SLC44A5: variants seen among roughly 807,000 people sequenced by gnomAD.
SLC44A5 encodes choline transporter-like protein 5.
SLC44A5 carries 57 observed loss-of-function variants against 101.8 expected under a neutral mutation model. The ratio of observed to expected loss-of-function variants is 0.56; its 90% CI spans 0.45 to 0.70. The LOEUF (loss-of-function observed/expected upper bound fraction) is 0.70. SLC44A5 is among the 30% of genes least tolerant of loss of function. The pLI is 0.00. For synonymous variants in SLC44A5, 281 were observed against 290.9 expected (o/e 0.97, Z 0.35); for missense variants, 737 against 853.1 (o/e 0.86, Z 1.70).
the SLC44A5 span, among the ~76,000 whole-genome samples, chr1:75,651,005 C>T: frequency 6.6e-6 from 1 of 152,160 alleles, no homozygotes; most frequent in Non-Finnish European, 1.5e-5. Context: ...CTGATAAACC[C>T]AAATTTGTTC....
the SLC44A5 span, among the ~76,000 whole-genome samples, chr1:75,675,419 T>C: frequency 6.6e-6 from 1 of 152,176 alleles, no homozygotes; most frequent in Admixed American, 6.5e-5. Context: ...TGCTCATCTG[T>C]TGTTGGTATA....
At chr1:75,385,512 A>T (rs1661256676) in intron 3 of SLC44A5, among the ~76,000 whole-genome samples, 2 of 152,138 alleles carry the variant, frequency 1.3e-5, no homozygotes, top group African/African-American at 4.8e-5. Flanking sequence ...AACCAGGAAG[A>T]AGTTGAATCT....
At chr1:75,417,188 G>A (rs956894973) in intron 2 of SLC44A5, among the ~76,000 whole-genome samples, 5 of 152,078 alleles carry the variant, frequency 3.3e-5, no homozygotes, top group Non-Finnish European at 7.4e-5. Flanking sequence ...AGAATCATGG[G>A]GACAGGTTTT....
chr1:75,604,486 G>A (rs1045634144), intron 1 of SLC44A5, among the ~76,000 whole-genome samples: 2 of 151,964 alleles, frequency 1.3e-5, no homozygotes, highest in African/African-American at 2.4e-5. Flanking sequence ...GGATTACTTT[G>A]CCTATTTGGG....
intron 22 of SLC44A5, among the ~76,000 whole-genome samples, chr1:75,212,177 T>G (rs1290810353): frequency 6.6e-6 from 1 of 152,174 alleles, no homozygotes; most frequent in East Asian, 1.9e-4. Flanking sequence ...TTGAATTCTT[T>G]TTAAACTTTT....
intron 2 of SLC44A5, among the ~76,000 whole-genome samples, chr1:75,477,258 T>C (rs1240401270): frequency 6.6e-6 from 1 of 151,998 alleles, no homozygotes; most frequent in East Asian, 1.9e-4. Context: ...ATCTGTACAT[T>C]ACCATCATCA....
intron 2 of SLC44A5, among the ~76,000 whole-genome samples, chr1:75,531,178 A>G (rs1670700947): frequency 6.6e-6 from 1 of 152,238 alleles, no homozygotes; most frequent in Non-Finnish European, 1.5e-5. Flanking sequence ...AAAGCGCATT[A>G]GCATATTAAA....
At chr1:75,482,651 T>C (rs1445504076) in intron 2 of SLC44A5, among the ~76,000 whole-genome samples, 20 of 152,174 alleles carry the variant, frequency 1.3e-4, no homozygotes, top group Non-Finnish European at 2.9e-4. Context: ...AACATGAGTC[T>C]AATACAAATC....
intron 2 of SLC44A5, among the ~76,000 whole-genome samples, chr1:75,475,670 A>G (rs376813422): frequency 6.6e-6 from 1 of 152,210 alleles, no homozygotes; most frequent in East Asian, 1.9e-4. Context: ...TTCAGAGAAT[A>G]CCCATAATGG....
the SLC44A5 span, among the ~76,000 whole-genome samples, chr1:75,672,600 C>T: frequency 6.6e-6 from 1 of 152,082 alleles, no homozygotes. Flanking sequence ...GTGCATGCAA[C>T]CTAGTGAGAC....
At chr1:75,504,492 T>C (rs1669140579) in intron 2 of SLC44A5, among the ~76,000 whole-genome samples, 1 of 152,144 alleles carries the variant, frequency 6.6e-6, no homozygotes, top group Non-Finnish European at 1.5e-5. Flanking sequence ...GCATAGAACA[T>C]AGGAATATTG....
chr1:75,334,973 T>C (rs1335172740), intron 4 of SLC44A5, among the ~76,000 whole-genome samples: 1 of 152,178 alleles, frequency 6.6e-6, no homozygotes, highest in Admixed American at 6.5e-5. Context: ...AGTTAAGCCA[T>C]GAGCTCCACT....
At chr1:75,710,948 A>G in the SLC44A5 span, among the ~76,000 whole-genome samples, 1 of 151,952 alleles carries the variant, frequency 6.6e-6, no homozygotes, top group Non-Finnish European at 1.5e-5. Flanking sequence ...ATTTTTCTTT[A>G]CTCATTTTCT....
chr1:75,543,463 C>A (rs1167187926), intron 1 of SLC44A5, among the ~76,000 whole-genome samples: 6 of 151,820 alleles, frequency 4.0e-5, no homozygotes, highest in Non-Finnish European at 7.4e-5. Flanking sequence ...TTACTTTCAC[C>A]GCTGCATTAT....
At chr1:75,624,625 C>T in the SLC44A5 span, among the ~76,000 whole-genome samples, 1 of 152,134 alleles carries the variant, frequency 6.6e-6, no homozygotes, top group South Asian at 2.1e-4. Flanking sequence ...TTGCCAAAGT[C>T]CTCTGAAACA....
In SLC44A5 at chr1:75,562,241, T is replaced by C. The variant is rs576448865; in HGVS notation, c.-69-20725A>G. Among the ~76,000 whole-genome samples the C allele has an allele frequency of 6.9e-4, 105 of 152,282 alleles. 1 individual carries two copies. The highest frequency in any genetic ancestry group is 2.5e-3 in the African/African-American group (102 of 41,572). ...CCAGATTTTTTATTATTTGAATTTT[T>C]TTCTACCCCAGATCCATCAGCACTC... On this transcript the variant is annotated intron_variant, in intron 1 of 23. Coordinates refer to ENST00000370859, the MANE Select transcript of SLC44A5 (RefSeq NM_001130058.2).
intron 2 of SLC44A5, among the ~76,000 whole-genome samples, chr1:75,417,883 A>G (rs1663757496): frequency 6.6e-6 from 1 of 152,246 alleles, no homozygotes; most frequent in Non-Finnish European, 1.5e-5. Context: ...ACTGTTGTGC[A>G]TTTCTCAAAA....
At chr1:75,449,582 A>G (rs1396946254) in intron 2 of SLC44A5, among the ~76,000 whole-genome samples, 3 of 152,146 alleles carry the variant, frequency 2.0e-5, no homozygotes, top group Non-Finnish European at 4.4e-5. Flanking sequence ...ATTTTCTTCA[A>G]TTGAAAGTTC....
At chr1:75,699,432 C>T in the SLC44A5 span, among the ~76,000 whole-genome samples, 4 of 151,982 alleles carry the variant, frequency 2.6e-5, no homozygotes, top group Non-Finnish European at 5.9e-5. Context: ...AAATAAAGTA[C>T]TTTACAGACA....
Sources: allele counts gnomAD v4.1 joint callset (sites outside exome capture counted in the v4.1 genomes callset), GRCh38; gene constraint gnomAD v4.1.1; transcripts MANE v1.5; gene names NCBI Gene and HGNC (gene_info 2026-07-23, HGNC 2026-07-21).